Variants in RASSF3 observed in about 807,000 individuals in gnomAD.
RASSF3 encodes the protein Ras association domain family member 3.
A neutral mutation model predicts 19.9 loss-of-function variants in RASSF3; 19 were observed. That is an observed-to-expected ratio of 0.96 (90% CI 0.67 to 1.40). The LOEUF (loss-of-function observed/expected upper bound fraction) is 1.40. Among genes scored for constraint, RASSF3 ranks in the 40% most tolerant of loss-of-function variants. The pLI is 0.00. For missense variants in RASSF3, 306 were observed against 289.8 expected (o/e 1.06, Z -0.41); for synonymous variants, 110 against 104.2 (o/e 1.06, Z -0.34).
intron 2 of RASSF3, among the ~76,000 whole-genome samples, chr12:64,601,769 G>T (rs574112093): frequency 6.6e-6 from 1 of 151,894 alleles, no homozygotes; most frequent in East Asian, 1.9e-4. Context: ...GCTGTGATCA[G>T]GCCATTGCAC....
At chr12:64,522,404 T>C (rs1297520484) in intron 1 of RASSF3, among the ~76,000 whole-genome samples, 1 of 152,146 alleles carries the variant, frequency 6.6e-6, no homozygotes, top group Admixed American at 6.5e-5. Flanking sequence ...TTTAGCATGT[T>C]AGGGCATGCC....
chr12:64,558,957 G>A (rs369775931), intron 2 of RASSF3, among the ~76,000 whole-genome samples: 2 of 152,102 alleles, frequency 1.3e-5, no homozygotes, highest in African/African-American at 4.8e-5. Context: ...TAGGGACACC[G>A]TGCTCTACTG....
intron 1 of RASSF3, among the ~76,000 whole-genome samples, chr12:64,660,974 A>T (rs1039985005): frequency 6.6e-6 from 1 of 152,112 alleles, no homozygotes; most frequent in Admixed American, 6.6e-5. Context: ...GTTCATGTTA[A>T]TATAATAGAA....
intron 1 of RASSF3, among the ~76,000 whole-genome samples, chr12:64,526,413 C>T (rs1051676206): frequency 1.3e-5 from 2 of 152,104 alleles, no homozygotes; most frequent in African/African-American, 4.8e-5. Context: ...AAACTTATTC[C>T]TTCTGTCTAG....
chr12:64,560,491 C>G (rs1310220031), intron 2 of RASSF3, among the ~76,000 whole-genome samples: 1 of 152,206 alleles, frequency 6.6e-6, no homozygotes, highest in Non-Finnish European at 1.5e-5. Context: ...ATGCCTGGAT[C>G]TCTGCACCTG....
chr12:64,619,079 G>A (rs1211935694), intron 1 of RASSF3, among the ~76,000 whole-genome samples: 1 of 151,936 alleles, frequency 6.6e-6, no homozygotes, highest in South Asian at 2.1e-4. Context: ...CATGTGGCTC[G>A]CATGATATTT....
chr12:64,594,669 G>T (rs1039712758), intron 2 of RASSF3, among the ~76,000 whole-genome samples: 29 of 152,070 alleles, frequency 1.9e-4, no homozygotes, highest in Non-Finnish European at 4.1e-4. Context: ...TGCGCTGAAG[G>T]CAATAGAGAA....
chr12:64,551,733 C>T (rs1353739004), intron 2 of RASSF3, among the ~76,000 whole-genome samples: 3 of 152,162 alleles, frequency 2.0e-5, no homozygotes, highest in Non-Finnish European at 4.4e-5. Context: ...ATACTCACAA[C>T]AATCGTATTT....
At chr12:64,651,489 A>C (rs1360681648) in intron 1 of RASSF3, among the ~76,000 whole-genome samples, 4 of 151,986 alleles carry the variant, frequency 2.6e-5, no homozygotes, top group African/African-American at 9.7e-5. Context: ...CCTCCCATGT[A>C]GCTGGGATTA....
At chr12:64,579,561 C>T (rs1436970471) in intron 2 of RASSF3, among the ~76,000 whole-genome samples, 1 of 151,980 alleles carries the variant, frequency 6.6e-6, no homozygotes, top group Admixed American at 6.6e-5. Context: ...CCATATTAGC[C>T]AGGATGGTCT....
chr12:64,635,826 A>G (rs970181362), intron 1 of RASSF3, among the ~76,000 whole-genome samples: 1 of 152,182 alleles, frequency 6.6e-6, no homozygotes, highest in Non-Finnish European at 1.5e-5. Context: ...GGGAAGGGAC[A>G]TTAAAAGGTT....
intron 1 of RASSF3, chr12:64,630,066 C>T (rs1871126767): frequency 6.6e-6 from 1 of 151,888 alleles, no homozygotes; most frequent in African/African-American, 2.4e-5. Context: ...CACCAAATTC[C>T]CAGATCCTAA....
In RASSF3 at chr12:64,510,175, C is replaced by T. The variant is rs187467757; in HGVS notation, c.169+2846C>T. 2.0e-5 allele frequency among the ~76,000 whole-genome samples: 3 copies of T among 152,190 alleles called. No individual in the cohort carries two copies. The East Asian group carries it at 5.8e-4, about 29-fold the overall frequency. On this transcript the variant is annotated intron_variant, in intron 1 of 5. Transcript: ENST00000637125. Reference sequence around the variant, plus strand: ...TATATGCTTTATAGGATTATATCCCCTCCAGAGCAAGAACTATCTTTTCTT... The same window carrying T: ...TATATGCTTTATAGGATTATATCCCTTCCAGAGCAAGAACTATCTTTTCTT...
intron 1 of RASSF3, among the ~76,000 whole-genome samples, chr12:64,612,811 G>A (rs529034028): frequency 6.6e-6 from 1 of 152,202 alleles, no homozygotes; most frequent in East Asian, 1.9e-4. Flanking sequence ...AATCATTTAT[G>A]TATCATCTAG....
chr12:64,535,710 G>A (rs1409759746), intron 1 of RASSF3, among the ~76,000 whole-genome samples: 5 of 141,352 alleles, frequency 3.5e-5, no homozygotes, highest in South Asian at 2.2e-4. Flanking sequence ...TTTTTTAGAC[G>A]GAGTTTTGCT....
At chr12:64,676,006 AAGATAAGC>A (rs1365846686) in intron 1 of RASSF3, among the ~76,000 whole-genome samples, 3 of 151,840 alleles carry the variant, frequency 2.0e-5, no homozygotes, top group Non-Finnish European at 4.4e-5. Flanking sequence ...GCCATACACC[AAGATAAGC>A]ATTGAGTCTC....
intron 1 of RASSF3, among the ~76,000 whole-genome samples, chr12:64,616,724 G>T (rs1870566593): frequency 6.6e-6 from 1 of 152,188 alleles, no homozygotes; most frequent in Admixed American, 6.6e-5. Flanking sequence ...ACACACATTT[G>T]CCTTGTAGGA....
intron 1 of RASSF3, among the ~76,000 whole-genome samples, chr12:64,668,664 G>T (rs1276237335): frequency 2.0e-5 from 3 of 150,178 alleles, no homozygotes; most frequent in Non-Finnish European, 4.4e-5. Context: ...CTTGGATGTT[G>T]ACTGTTTTAA....
intron 2 of RASSF3, chr12:64,575,857 G>A (rs191660560): frequency 6.7e-6 from 1 of 150,158 alleles, no homozygotes; most frequent in Admixed American, 6.6e-5. Flanking sequence ...TTATCTCCTT[G>A]GTACATTCTG....
Sources: gnomAD v4.1 joint callset for allele counts (sites outside exome capture counted in the v4.1 genomes callset) on GRCh38, gnomAD v4.1.1 for gene constraint, MANE v1.5 for transcripts, NCBI Gene and HGNC (gene_info 2026-07-23, HGNC 2026-07-21) for gene names.